Variants in POP1 observed in about 807,000 individuals in gnomAD.
POP1 encodes the protein POP1 ribonuclease P/MRP subunit.
Under a neutral mutation model 102.2 loss-of-function variants are expected in POP1, and 75 were observed. The observed-to-expected ratio is 0.73, with a 90% CI of 0.61 to 0.89. The LOEUF is 0.89. POP1 is among the 40% of genes least tolerant of loss of function. The pLI, the probability that POP1 is intolerant of heterozygous loss-of-function variation, is 0.00. For missense variants in POP1, 1,116 were observed against 1,267.4 expected, an observed-to-expected ratio of 0.88 and a Z score of 1.81; for synonymous variants, 436 against 464.1, an observed-to-expected ratio of 0.94 and a Z score of 0.78.
intron 11 of POP1, among the ~76,000 whole-genome samples, chr8:98,143,615 T>C (rs975286313): frequency 1.3e-5 from 2 of 152,188 alleles, no homozygotes; most frequent in African/African-American, 4.8e-5. Context: ...ATATATACTC[T>C]TACCGATTTT....
chr8:98,118,408 T>C (rs1041843830), intron 1 of POP1, among the ~76,000 whole-genome samples: 5 of 152,086 alleles, frequency 3.3e-5, no homozygotes, highest in African/African-American at 9.7e-5. Flanking sequence ...CTTCTTTCCT[T>C]CCTTTCCTTT....
intron 11 of POP1, among the ~76,000 whole-genome samples, chr8:98,141,497 A>T (rs1202821357): frequency 6.6e-6 from 1 of 152,188 alleles, no homozygotes; most frequent in Non-Finnish European, 1.5e-5. Flanking sequence ...TTGGAAGAAT[A>T]ATTAAAATTA....
At chr8:98,132,145 G>C (rs1013020469) in intron 5 of POP1, among the ~76,000 whole-genome samples, 1 of 152,202 alleles carries the variant, frequency 6.6e-6, no homozygotes, top group Non-Finnish European at 1.5e-5. Flanking sequence ...ATATTAGTGA[G>C]TGCTTAATAT....
intron 7 of POP1, 47 bp from the exon 8 acceptor site, chr8:98,136,435 T>G (rs778436646): frequency 2.0e-6 from 3 of 1,535,756 alleles, no homozygotes; most frequent in Non-Finnish European, 2.6e-6. Context: ...TGTCGTAATA[T>G]ATTTAAATTT....
chr8:98,129,291 T>A (rs1816307757), intron 4 of POP1, among the ~76,000 whole-genome samples: 1 of 152,232 alleles, frequency 6.6e-6, no homozygotes, highest in East Asian at 1.9e-4. Context: ...TGTACAAGTC[T>A]AATTGTGTTT....
intron 14 of POP1, 60 bp from the exon 15 acceptor site, chr8:98,155,990 T>A: frequency 6.4e-7 from 1 of 1,563,112 alleles, no homozygotes; most frequent in Non-Finnish European, 8.8e-7. Flanking sequence ...TGGTTATAAT[T>A]ATTTTAGTTT....
chr8:98,133,755 G>T (rs1380716529), intron 5 of POP1, among the ~76,000 whole-genome samples, 194 bp from the exon 6 acceptor site: 1 of 152,182 alleles, frequency 6.6e-6, no homozygotes, highest in East Asian at 1.9e-4. Context: ...TGACAGGAAT[G>T]GACAGGTTTA....
chr8:98,147,146 G>A (rs1035758830), intron 12 of POP1, among the ~76,000 whole-genome samples: 5 of 152,198 alleles, frequency 3.3e-5, no homozygotes, highest in Admixed American at 2.0e-4. Flanking sequence ...TGTGTAAGAT[G>A]CTGGGATAGA....
chr8:98,140,396 A>T (rs565175583), intron 10 of POP1, among the ~76,000 whole-genome samples: 17 of 152,344 alleles, frequency 1.1e-4, no homozygotes, highest in Admixed American at 2.6e-4. Context: ...GTATGTTCAT[A>T]TTCTAAGTAA....
chr8:98,123,265 T>C, intron 1 of POP1, 71 bp from the exon 2 acceptor site: 3 of 1,518,454 alleles, frequency 2.0e-6, no homozygotes. Context: ...GAATATTTAC[T>C]CATTAAATTT....
At chr8:98,143,388 G>A (rs978362583) in intron 11 of POP1, among the ~76,000 whole-genome samples, 2 of 152,170 alleles carry the variant, frequency 1.3e-5, no homozygotes, top group East Asian at 3.9e-4. Context: ...TAGATTCACA[G>A]CAAAATTGAG....
At chr8:98,129,930 T>G (rs1370891701) in intron 4 of POP1, 48 bp from the exon 5 acceptor site, 35 of 1,604,416 alleles carry the variant, frequency 2.2e-5, no homozygotes, top group Middle Eastern at 3.3e-4. Flanking sequence ...TTAACTCTGT[T>G]TTGAGATTCT....
rs2306132 is a variant in POP1 at position 98,137,119 on chromosome 8, C to G, written c.1362+165C>G. 7.0e-4 allele frequency among the ~76,000 whole-genome samples: 107 copies of G among 152,230 alleles called. 2 individuals carry two copies. In the East Asian group the frequency reaches 0.018, roughly 26 times the overall value. Reference sequence around the variant, plus strand: ...AAGATTTTGTTATCTTTCACTTCTCCTAGAAGACCACAACTAAGTGGATAT... The same window carrying G: ...AAGATTTTGTTATCTTTCACTTCTCGTAGAAGACCACAACTAAGTGGATAT... On this transcript the variant is annotated intron_variant, in intron 9 of 15. Coordinates refer to ENST00000401707, the MANE Select transcript of POP1 (RefSeq NM_001145860.2).
chr8:98,142,101 C>T (rs1045725568), intron 11 of POP1, among the ~76,000 whole-genome samples: 2 of 152,088 alleles, frequency 1.3e-5, no homozygotes, highest in South Asian at 2.1e-4. Context: ...ATTTACTACA[C>T]CATTAAATGT....
intron 1 of POP1, among the ~76,000 whole-genome samples, chr8:98,120,477 A>G (rs1457077411): frequency 2.0e-5 from 3 of 152,018 alleles, no homozygotes; most frequent in African/African-American, 7.3e-5. Flanking sequence ...ATGTTTGTTC[A>G]TTTTTTTATT....
At position 98,146,858 on chromosome 8, in the gene POP1, A is replaced by T. The variant is rs377410303; in HGVS notation, c.1710+175A>T. 4.6e-5 allele frequency among the ~76,000 whole-genome samples: 7 copies of T among 152,342 alleles called. No individual in the cohort carries two copies. In the East Asian group the frequency reaches 1.4e-3, roughly 29 times the overall value. ...TGTACTGTGATTTTCTTCTGTTCTT[A>T]TGGATAATCTAAGAATAAGGATAGG... On this transcript the variant is annotated intron_variant, in intron 12 of 15. Coordinates refer to ENST00000401707, the MANE Select transcript of POP1 (RefSeq NM_001145860.2).
At chr8:98,138,689 TAGC>T (rs1816617832) in intron 9 of POP1, among the ~76,000 whole-genome samples, 1 of 152,172 alleles carries the variant, frequency 6.6e-6, no homozygotes, top group Admixed American at 6.5e-5. Context: ...CCCCAGTGCT[TAGC>T]ACAATGTCTG....
At position 98,146,578 on chromosome 8, in the gene POP1, A is replaced by G. The variant is rs1254436508; in HGVS notation, c.1605A>G (p.Lys535=). 6.2e-7 allele frequency: 1 copy of G among 1,613,266 alleles called. No individual in the cohort carries two copies. Among genetic ancestry groups the G allele is most frequent in the Non-Finnish European group, 8.5e-7 (1 of 1,179,320 alleles). The change falls in exon 12 of 16, where the codon AAA becomes AAG. Residue 535 remains lysine, a synonymous_variant. Coordinates refer to ENST00000401707, the MANE Select transcript of POP1 (RefSeq NM_001145860.2). ...TCTTTTCCCTCTTAGATAATGAGAA[A>G]GTTAGACAGCTGCTTCTGGAGGGTG... is the stretch of plus-strand genomic sequence containing the variant. ...PNPEKCQDNE[K]VRQLLLEGVP...
chr8:98,150,460 A>G lies in POP1; in HGVS notation c.1903-25A>G, dbSNP rs186570534. On this transcript the variant is annotated intron_variant, in intron 13 of 15. Transcript: ENST00000401707. ...ATTCACTTTAAGTTGGTAGACTGAC[A>G]GTATCTTTTTGACATTTCTTTTAGA... The G allele has an allele frequency of 2.9e-5, 47 of 1,613,304 alleles. 1 individual carries two copies. The African/African-American group carries it at 4.0e-4, about 14-fold the overall frequency.
Sources: allele counts gnomAD v4.1 joint callset (sites outside exome capture counted in the v4.1 genomes callset), GRCh38; gene constraint gnomAD v4.1.1; transcripts MANE v1.5; gene names NCBI Gene and HGNC (gene_info 2026-07-23, HGNC 2026-07-21).